Variants in SMIM8 observed in about 807,000 individuals in gnomAD.
The protein encoded by SMIM8 is small integral membrane protein 8, also known as UPF0708 protein C6orf162.
A neutral mutation model predicts 8.1 loss-of-function variants in SMIM8; 8 were observed. That is an observed-to-expected ratio of 0.99 (90% CI 0.58 to 1.78). The LOEUF (loss-of-function observed/expected upper bound fraction) is 1.78, where lower values mean the gene tolerates loss of function less well. SMIM8 is among the 40% of genes most tolerant of loss of function. The pLI is 0.00. For synonymous variants in SMIM8, 45 were observed against 39.7 expected (o/e 1.13, Z -0.50); for missense variants, 126 against 119.8 (o/e 1.05, Z -0.24).
chr6:87,324,795 A>C (rs1776774804), intron 1 of SMIM8, among the ~76,000 whole-genome samples: 2 of 152,212 alleles, frequency 1.3e-5, no homozygotes, highest in African/African-American at 4.8e-5. Context: ...AGCTTTTTCC[A>C]ATTCTATGAA....
chr6:87,324,480 C>G (rs1776765689), intron 1 of SMIM8, among the ~76,000 whole-genome samples: 1 of 150,506 alleles, frequency 6.6e-6, no homozygotes, highest in Non-Finnish European at 1.5e-5. Context: ...TTTCAGCTTT[C>G]TACATATGGC....
intron 2 of SMIM8, among the ~76,000 whole-genome samples, chr6:87,331,930 CTT>C (rs1048773546): frequency 1.3e-5 from 2 of 152,082 alleles, no homozygotes; most frequent in Non-Finnish European, 1.5e-5. Flanking sequence ...TATATTAAAT[CTT>C]TTAAAAATAT....
rs1180742185 is a variant in SMIM8 at position 87,337,115 on chromosome 6, G to A, written c.84G>A (p.Val28=). 1.2e-6 allele frequency: 2 copies of A among 1,613,156 alleles called. No homozygotes were observed. Among genetic ancestry groups the A allele is most frequent in the Non-Finnish European group, 1.7e-6 (2 of 1,179,448 alleles). ...TTCAAAGCCCAGGGCTCAGAGGGGT[G>A]CGCACAACAACCTTATTTCGTGCTG... ...KEFQSPGLRG[V]RTTTLFRAVN... Residue 28 remains valine (V), a synonymous_variant, in exon 3 of 4, where the codon GTG becomes GTA. Coordinates refer to ENST00000392863, the MANE Select transcript of SMIM8 (RefSeq NM_001042493.3).
At chr6:87,337,928 G>GA (rs922821090) in intron 3 of SMIM8, among the ~76,000 whole-genome samples, 1 of 152,088 alleles carries the variant, frequency 6.6e-6, no homozygotes, top group African/African-American at 2.4e-5. Flanking sequence ...ACGCCTGGCT[G>GA]AGTTTATTTT....
chr6:87,324,197 G>T (rs937366345), intron 1 of SMIM8, among the ~76,000 whole-genome samples: 40 of 152,302 alleles, frequency 2.6e-4, no homozygotes, highest in African/African-American at 8.7e-4. Flanking sequence ...TGAATAGGTT[G>T]TGAAAATTTT....
chr6:87,328,977 G>A (rs1429282087), intron 1 of SMIM8, among the ~76,000 whole-genome samples: 1 of 152,172 alleles, frequency 6.6e-6, no homozygotes, highest in Non-Finnish European at 1.5e-5. Flanking sequence ...TAAGCCCGTC[G>A]GAAAAGCGCA....
intron 2 of SMIM8, among the ~76,000 whole-genome samples, chr6:87,335,195 T>C (rs1777080215): frequency 1.3e-5 from 2 of 152,222 alleles, no homozygotes; most frequent in South Asian, 4.1e-4. Context: ...TGGAATCCCC[T>C]GAGGTCCTCC....
intron 1 of SMIM8, among the ~76,000 whole-genome samples, chr6:87,328,340 G>A (rs1405498038): frequency 6.6e-6 from 1 of 152,126 alleles, no homozygotes; most frequent in African/African-American, 2.4e-5. Context: ...GCTTTTTAGA[G>A]TTTCCAGTTT....
At chr6:87,323,966 C>G (rs950153777) in intron 1 of SMIM8, among the ~76,000 whole-genome samples, 2 of 151,426 alleles carry the variant, frequency 1.3e-5, no homozygotes, top group East Asian at 1.9e-4. Flanking sequence ...GATTGCCATT[C>G]TAACTGCTGT....
intron 2 of SMIM8, chr6:87,330,993 AGCAGTGTAAT>A (rs1299223523): frequency 6.6e-6 from 1 of 152,212 alleles, no homozygotes; most frequent in Admixed American, 6.5e-5. Flanking sequence ...CTTAGCCAAG[AGCAGTGTAAT>A]GCCAGGTTCC....
chr6:87,322,637 G>A lies in SMIM8; in HGVS notation c.-45+5G>A, dbSNP rs910734433. 1 of 152,416 alleles carries A rather than the reference G, an allele frequency of 6.6e-6. No homozygotes were observed. The highest frequency in any genetic ancestry group is 1.5e-5 in the Non-Finnish European group (1 of 68,222). 9.4% of individuals were successfully genotyped at this position (152,416 alleles called of 1,614,324 possible). ...GAGGAGGTGACCCCGCGAAAGGTAA[G>A]CGGCGGCTTCGGTGGTGTTGAGTGG... is the stretch of plus-strand genomic sequence containing the variant. On this transcript the variant is annotated splice_donor_5th_base_variant and intron_variant, in intron 1 of 3. Coordinates refer to ENST00000392863, the MANE Select transcript of SMIM8 (RefSeq NM_001042493.3).
chr6:87,324,190 A>G (rs981457223), intron 1 of SMIM8, among the ~76,000 whole-genome samples: 12 of 152,070 alleles, frequency 7.9e-5, no homozygotes, highest in South Asian at 4.1e-4. Context: ...TGTCAGATGA[A>G]TAGGTTGTGA....
At chr6:87,324,260 C>T (rs1776760268) in intron 1 of SMIM8, among the ~76,000 whole-genome samples, 1 of 152,130 alleles carries the variant, frequency 6.6e-6, no homozygotes, top group Non-Finnish European at 1.5e-5. Context: ...TTTTGCTGTG[C>T]AGAAGCTCTT....
At chr6:87,331,122 T>C (rs1776986574) in intron 2 of SMIM8, among the ~76,000 whole-genome samples, 2 of 152,190 alleles carry the variant, frequency 1.3e-5, no homozygotes, top group South Asian at 4.1e-4. Flanking sequence ...CTCAAAGTGA[T>C]AATAACTAGA....
intron 1 of SMIM8, among the ~76,000 whole-genome samples, chr6:87,328,804 T>G (rs1182033822): frequency 6.6e-6 from 1 of 152,232 alleles, no homozygotes; most frequent in African/African-American, 2.4e-5. Flanking sequence ...CCAGCTGCTT[T>G]GTTTACCTAA....
At chr6:87,337,619 C>T (rs1777141072) in intron 3 of SMIM8, among the ~76,000 whole-genome samples, 1 of 152,060 alleles carries the variant, frequency 6.6e-6, no homozygotes. Context: ...GTGAAAAATT[C>T]CAAAACATTT....
intron 1 of SMIM8, among the ~76,000 whole-genome samples, chr6:87,329,454 T>C (rs772862195): frequency 1.3e-5 from 2 of 152,176 alleles, no homozygotes; most frequent in Admixed American, 1.3e-4. Flanking sequence ...TTTGTATTTT[T>C]AGTAGAGACG....
chr6:87,339,664 G>T (rs997504676), intron 3 of SMIM8, among the ~76,000 whole-genome samples: 6 of 152,126 alleles, frequency 3.9e-5, no homozygotes, highest in African/African-American at 1.4e-4. Flanking sequence ...ACTTGGGCAA[G>T]AAGAATAGCA....
At chr6:87,330,207 G>A (rs1026947084) in intron 1 of SMIM8, among the ~76,000 whole-genome samples, 4 of 152,130 alleles carry the variant, frequency 2.6e-5, no homozygotes, top group Admixed American at 6.5e-5. Context: ...ATAAAAAAGT[G>A]TATTATACTT....
Sources: allele counts gnomAD v4.1 joint callset (sites outside exome capture counted in the v4.1 genomes callset), GRCh38; gene constraint gnomAD v4.1.1; transcripts MANE v1.5; gene names NCBI Gene and HGNC (gene_info 2026-07-23, HGNC 2026-07-21).